Variants in CNTNAP4 observed in about 807,000 individuals in gnomAD.
CNTNAP4 encodes the protein contactin-associated protein-like 4.
A neutral mutation model predicts 148.4 loss-of-function variants in CNTNAP4; 98 were observed. The ratio of observed to expected loss-of-function variants is 0.66; its 90% CI spans 0.56 to 0.78. The LOEUF (loss-of-function observed/expected upper bound fraction) is 0.78. Among genes scored for constraint, CNTNAP4 ranks in the 30% least tolerant of loss-of-function variants. CNTNAP4 has a pLI of 0.00. For synonymous variants in CNTNAP4, 730 were observed against 565.1 expected, an observed-to-expected ratio of 1.29 and a Z score of -4.14; for missense variants, 1,935 against 1,565.6, an observed-to-expected ratio of 1.24 and a Z score of -3.98.
At chr16:76,283,330 A>C (rs1255951647) in intron 1 of CNTNAP4, among the ~76,000 whole-genome samples, 1 of 152,030 alleles carries the variant, frequency 6.6e-6, no homozygotes, top group Non-Finnish European at 1.5e-5. Context: ...TTGTTTAAGA[A>C]ATCGTTCTGT....
chr16:76,475,920 TA>T lies in CNTNAP4; in HGVS notation c.1656-18del. On this transcript the variant is annotated intron_variant, in intron 10 of 23. Coordinates refer to ENST00000611870, the MANE Select transcript of CNTNAP4 (RefSeq NM_033401.5). ...ATCTAAAAATGGAAACTGGTGATTGTATCTGCACCTTCTTTTAGGTGTTTGC... is the reference window on the plus strand; with the variant it reads ...ATCTAAAAATGGAAACTGGTGATTGTTCTGCACCTTCTTTTAGGTGTTTGC... The T allele has an allele frequency of 6.4e-7, 1 of 1,571,426 alleles. No individual in the cohort carries two copies. Among genetic ancestry groups the T allele is most frequent in the African/African-American group, 1.3e-5 (1 of 74,200 alleles).
At chr16:76,380,274 G>T (rs993282242) in intron 3 of CNTNAP4, among the ~76,000 whole-genome samples, 1 of 152,204 alleles carries the variant, frequency 6.6e-6, no homozygotes, top group African/African-American at 2.4e-5. Flanking sequence ...ACAGACATCT[G>T]TGATTGTCAA....
chr16:76,387,849 TA>T (rs1597391411), intron 3 of CNTNAP4, among the ~76,000 whole-genome samples: 1 of 152,184 alleles, frequency 6.6e-6, no homozygotes, highest in East Asian at 1.9e-4. Context: ...TCAATAAATG[TA>T]AAGTGATTGC....
At chr16:76,400,694 G>C (rs1047722792) in intron 3 of CNTNAP4, among the ~76,000 whole-genome samples, 1 of 152,004 alleles carries the variant, frequency 6.6e-6, no homozygotes, top group Non-Finnish European at 1.5e-5. Context: ...AATATTTAAC[G>C]CATATTGAGT....
intron 2 of CNTNAP4, among the ~76,000 whole-genome samples, chr16:76,321,615 C>T (rs1597185251): frequency 1.3e-5 from 2 of 151,614 alleles, no homozygotes; most frequent in African/African-American, 4.8e-5. Flanking sequence ...TGGTGAAACC[C>T]CATCTCTACT....
At chr16:76,454,153 T>C (rs1052445018) in intron 8 of CNTNAP4, among the ~76,000 whole-genome samples, 2 of 150,678 alleles carry the variant, frequency 1.3e-5, no homozygotes, top group Middle Eastern at 3.2e-3. Flanking sequence ...TTGCTCTTGT[T>C]GCCCAGGCTG....
At chr16:76,523,713 C>T (rs2083586074) in intron 17 of CNTNAP4, among the ~76,000 whole-genome samples, 1 of 151,966 alleles carries the variant, frequency 6.6e-6, no homozygotes, top group African/African-American at 2.4e-5. Flanking sequence ...TTGCTTGGGG[C>T]CAGGAGTTTG....
At position 76,491,258 on chromosome 16, in the gene CNTNAP4, G is replaced by A. The variant is rs2082210401; in HGVS notation, c.2080+1375G>A. ...TCCTCCTGGAACCTCAATTCTGTGT[G>A]CAAATGAGGATCAGACAGTTGTAGT... On this transcript the variant is annotated intron_variant, in intron 13 of 23. Coordinates refer to ENST00000611870, the MANE Select transcript of CNTNAP4 (RefSeq NM_033401.5). Among the ~76,000 whole-genome samples the A allele has an allele frequency of 2.0e-5, 3 of 152,256 alleles. No homozygotes were observed. In the Middle Eastern group the frequency reaches 0.01, roughly 518 times the overall value.
At chr16:76,483,589 C>T (rs2135618) in intron 12 of CNTNAP4, among the ~76,000 whole-genome samples, 53,462 of 152,058 alleles carry the variant, frequency 0.35, 10,753 homozygotes, top group Middle Eastern at 0.49. Flanking sequence ...TGCGTGCAAC[C>T]TTCTGTGCTT....
At chr16:76,367,841 G>A (rs546712691) in intron 3 of CNTNAP4, among the ~76,000 whole-genome samples, 1 of 152,252 alleles carries the variant, frequency 6.6e-6, no homozygotes, top group African/African-American at 2.4e-5. Context: ...CATTACATTA[G>A]TGATGTAACT....
chr16:76,326,736 G>A (rs1312550375), intron 2 of CNTNAP4, among the ~76,000 whole-genome samples: 1 of 150,972 alleles, frequency 6.6e-6, no homozygotes, highest in Non-Finnish European at 1.5e-5. Flanking sequence ...ACTCATAGGT[G>A]GGAATTGAAC....
At chr16:76,483,493 T>G (rs556221500) in intron 12 of CNTNAP4, among the ~76,000 whole-genome samples, 88 of 152,320 alleles carry the variant, frequency 5.8e-4, no homozygotes, top group Non-Finnish European at 1.0e-3. Context: ...TGTTGATTCA[T>G]TAACATTGAG....
At chr16:76,473,578 C>A (rs11640904) in intron 10 of CNTNAP4, among the ~76,000 whole-genome samples, 2,239 of 152,150 alleles carry the variant, frequency 0.015, 24 homozygotes, top group Middle Eastern at 0.031. Context: ...TCGAGACCAT[C>A]CTGGCTAACA....
At chr16:76,311,521 GTAACTAGTA>G (rs1447702139) in intron 1 of CNTNAP4, among the ~76,000 whole-genome samples, 2 of 152,156 alleles carry the variant, frequency 1.3e-5, no homozygotes, top group Non-Finnish European at 2.9e-5. Context: ...TATTGTAGAT[GTAACTAGTA>G]TATATACATT....
chr16:76,440,786 C>G (rs566727592), intron 4 of CNTNAP4, among the ~76,000 whole-genome samples: 5 of 152,112 alleles, frequency 3.3e-5, no homozygotes, highest in Non-Finnish European at 7.3e-5. Context: ...TCCAATATAA[C>G]TGGACCATAG....
At chr16:76,422,860 G>T (rs12930380) in intron 3 of CNTNAP4, among the ~76,000 whole-genome samples, 1 of 152,104 alleles carries the variant, frequency 6.6e-6, no homozygotes, top group East Asian at 1.9e-4. Context: ...AACATAGAAC[G>T]CAATCACTAG....
At chr16:76,541,058 T>A (rs1187225043) in intron 21 of CNTNAP4, among the ~76,000 whole-genome samples, 1 of 152,102 alleles carries the variant, frequency 6.6e-6, no homozygotes, top group Non-Finnish European at 1.5e-5. Context: ...ATGGTATTAT[T>A]CTCACATTTC....
chr16:76,512,271 A>G (rs374493776), intron 15 of CNTNAP4, among the ~76,000 whole-genome samples: 3 of 152,160 alleles, frequency 2.0e-5, no homozygotes, highest in East Asian at 1.9e-4. Context: ...GACGAGTGAT[A>G]TGATCTAACT....
chr16:76,352,212 AG>A (rs1432898850), intron 2 of CNTNAP4, among the ~76,000 whole-genome samples: 1 of 152,240 alleles, frequency 6.6e-6, no homozygotes, highest in African/African-American at 2.4e-5. Context: ...ATGCTTGATT[AG>A]TACCAGACCC....
Sources: allele counts gnomAD v4.1 joint callset (sites outside exome capture counted in the v4.1 genomes callset), GRCh38; gene constraint gnomAD v4.1.1; transcripts MANE v1.5; gene names NCBI Gene and HGNC (gene_info 2026-07-23, HGNC 2026-07-21).